The following ANKDD1B variants were observed in gnomAD, a reference collection of about 807,000 sequenced individuals.
The protein encoded by ANKDD1B is ankyrin repeat and death domain-containing protein 1B.
A neutral mutation model predicts 59.7 loss-of-function variants in ANKDD1B; 57 were observed. The ratio of observed to expected loss-of-function variants is 0.95; its 90% CI spans 0.77 to 1.19. The LOEUF (loss-of-function observed/expected upper bound fraction) is 1.19, where lower values mean the gene tolerates loss of function less well. Among genes scored for constraint, ANKDD1B ranks in the 50% most tolerant of loss-of-function variants. The pLI, the probability that ANKDD1B is intolerant of heterozygous loss-of-function variation, is 0.00. For missense variants in ANKDD1B, 602 were observed against 641.9 expected, an observed-to-expected ratio of 0.94 and a Z score of 0.67; for synonymous variants, 216 against 239.5, an observed-to-expected ratio of 0.90 and a Z score of 0.91.
chr5:75,651,597 C>G (rs1774833668), intron 7 of ANKDD1B, among the ~76,000 whole-genome samples: 1 of 152,166 alleles, frequency 6.6e-6, no homozygotes, highest in African/African-American at 2.4e-5. Context: ...GTAAACAGGG[C>G]TGCAGGAAAC....
chr5:75,637,258 A>G (rs1188551480), intron 7 of ANKDD1B, among the ~76,000 whole-genome samples: 3 of 145,358 alleles, frequency 2.1e-5, no homozygotes, highest in African/African-American at 7.9e-5. Context: ...AAAAAAAAAA[A>G]AAAAAAAAAA....
intron 9 of ANKDD1B, among the ~76,000 whole-genome samples, chr5:75,657,174 T>C (rs989961756): frequency 2.6e-5 from 4 of 152,228 alleles, no homozygotes; most frequent in Non-Finnish European, 5.9e-5. Flanking sequence ...AGGCAGAGCT[T>C]CGTGCTCACA....
At chr5:75,667,079 G>C in intron 12 of ANKDD1B, 86 bp downstream of exon 12, 1 of 879,898 alleles carries the variant, frequency 1.1e-6, no homozygotes. Context: ...CCAAGGAAGT[G>C]TGTGGCACTC....
chr5:75,666,431 G>T (rs1267899755), intron 11 of ANKDD1B, among the ~76,000 whole-genome samples: 5 of 152,090 alleles, frequency 3.3e-5, no homozygotes, highest in Admixed American at 3.3e-4. Flanking sequence ...CCCAAAAGAA[G>T]AAATGGGGGT....
At chr5:75,628,816 G>A (rs1432052679) in intron 5 of ANKDD1B, among the ~76,000 whole-genome samples, 7 of 152,194 alleles carry the variant, frequency 4.6e-5, no homozygotes, top group African/African-American at 1.7e-4. Flanking sequence ...TTCCAGGGGA[G>A]AGAGATTAGA....
At chr5:75,619,231 C>CACA (rs1773787098) in intron 2 of ANKDD1B, among the ~76,000 whole-genome samples, 1 of 152,238 alleles carries the variant, frequency 6.6e-6, no homozygotes, top group African/African-American at 2.4e-5. Context: ...GCAAAACCCA[C>CACA]AACCTTGCAC....
At chr5:75,654,757 C>G (rs75375419) in intron 8 of ANKDD1B, among the ~76,000 whole-genome samples, 2,476 of 152,300 alleles carry the variant, frequency 0.016, 32 homozygotes, top group Middle Eastern at 0.044. Context: ...CTGAGTGTGT[C>G]TGATGCGTAT....
intron 7 of ANKDD1B, among the ~76,000 whole-genome samples, chr5:75,641,438 A>G (rs1180399293): frequency 6.6e-6 from 1 of 152,230 alleles, no homozygotes; most frequent in Non-Finnish European, 1.5e-5. Context: ...GTCTTACTCC[A>G]ACCCCACATC....
At chr5:75,655,395 C>T (rs938278945) in intron 8 of ANKDD1B, among the ~76,000 whole-genome samples, 1 of 152,172 alleles carries the variant, frequency 6.6e-6, no homozygotes, top group African/African-American at 2.4e-5. Flanking sequence ...GACACGAGTC[C>T]TACAGGGCAC....
chr5:75,616,235 A>G (rs991293288), intron 1 of ANKDD1B, among the ~76,000 whole-genome samples: 2 of 152,204 alleles, frequency 1.3e-5, no homozygotes, highest in African/African-American at 2.4e-5. Flanking sequence ...ATGAATGTGT[A>G]TATGTGTGTG....
chr5:75,641,541 A>G (rs776261672), intron 7 of ANKDD1B, among the ~76,000 whole-genome samples: 3 of 152,246 alleles, frequency 2.0e-5, no homozygotes, highest in Non-Finnish European at 4.4e-5. Flanking sequence ...AATTAAATCC[A>G]TACACATATA....
chr5:75,641,354 T>A (rs1437354860), intron 7 of ANKDD1B, among the ~76,000 whole-genome samples: 1 of 152,202 alleles, frequency 6.6e-6, no homozygotes, highest in African/African-American at 2.4e-5. Context: ...TCTTTTTCTG[T>A]TTTTCTAATT....
At chr5:75,659,987 C>T (rs1044826800) in intron 10 of ANKDD1B, among the ~76,000 whole-genome samples, 4 of 151,984 alleles carry the variant, frequency 2.6e-5, no homozygotes, top group Admixed American at 2.6e-4. Context: ...ACTTGTTCAG[C>T]TAGTCCTCAC....
intron 7 of ANKDD1B, among the ~76,000 whole-genome samples, chr5:75,640,000 A>G (rs34344): frequency 0.59 from 89,170 of 151,846 alleles, 30,164 homozygotes; most frequent in Non-Finnish European, 0.74. Flanking sequence ...CTAATTTTGT[A>G]TGTTTCATAC....
chr5:75,617,214 G>T (rs1020346111), intron 2 of ANKDD1B, among the ~76,000 whole-genome samples: 14 of 152,162 alleles, frequency 9.2e-5, no homozygotes, highest in African/African-American at 3.4e-4. Flanking sequence ...GTCCTGGATT[G>T]TCGCCTGTGG....
chr5:75,640,731 T>G (rs931046794), intron 7 of ANKDD1B, among the ~76,000 whole-genome samples: 2 of 152,208 alleles, frequency 1.3e-5, no homozygotes, highest in African/African-American at 4.8e-5. Context: ...TGTTCACTCA[T>G]GCAGTGGGAA....
chr5:75,618,801 A>G lies in ANKDD1B; in HGVS notation c.298-1514A>G, dbSNP rs186802028. Among the ~76,000 whole-genome samples the G allele has an allele frequency of 1.1e-3, 166 of 152,304 alleles. 1 individual carries two copies. The East Asian group carries it at 0.028, about 26-fold the overall frequency. The stretch of plus-strand genomic sequence containing the variant: ...TGTGCTGTCACCGAGGCTGGAGTGC[A>G]GTGGTGCAATCTCAGCTCACTGCAA... On this transcript the variant is annotated intron_variant, in intron 2 of 13. Coordinates refer to ENST00000601380, the MANE Select transcript of ANKDD1B (RefSeq NM_001276713.2).
At chr5:75,637,170 G>C (rs539306130) in intron 7 of ANKDD1B, among the ~76,000 whole-genome samples, 1 of 142,346 alleles carries the variant, frequency 7.0e-6, no homozygotes, top group Non-Finnish European at 1.5e-5. Flanking sequence ...GCTTGAACCC[G>C]GGAGGCAGAG....
intron 8 of ANKDD1B, among the ~76,000 whole-genome samples, chr5:75,654,544 G>A (rs925097860): frequency 6.6e-6 from 1 of 152,122 alleles, no homozygotes; most frequent in East Asian, 1.9e-4. Flanking sequence ...GCCAAGCACA[G>A]TGGTGCATGC....
Sources: allele counts gnomAD v4.1 joint callset (sites outside exome capture counted in the v4.1 genomes callset), GRCh38; gene constraint gnomAD v4.1.1; transcripts MANE v1.5; gene names NCBI Gene and HGNC (gene_info 2026-07-23, HGNC 2026-07-21).